The following CCNF variants were observed in gnomAD, a reference collection of about 807,000 sequenced individuals.
CCNF encodes the protein cyclin F, also known as cyclin-F.
CCNF carries 30 observed loss-of-function variants against 85.4 expected under a neutral mutation model. The observed-to-expected ratio is 0.35, with a 90% CI of 0.26 to 0.48. The LOEUF (loss-of-function observed/expected upper bound fraction) is 0.48, where lower values mean the gene tolerates loss of function less well. CCNF is among the 20% of genes least tolerant of loss of function. The probability of loss-of-function intolerance (pLI) is 0.99; values close to 1 mark genes in which losing one functional copy is unlikely to be tolerated. For missense variants in CCNF, 919 were observed against 1,010.4 expected, an observed-to-expected ratio of 0.91 and a Z score of 1.23; for synonymous variants, 439 against 425.1, an observed-to-expected ratio of 1.03 and a Z score of -0.40.
At chr16:2,437,497 G>T (rs1158256526) in intron 5 of CCNF, 175 bp downstream of exon 5, 2 of 562,118 alleles carry the variant, frequency 3.6e-6, no homozygotes, top group African/African-American at 3.8e-5. Context: ...TGGCACAGAG[G>T]AGGAAGCCTG....
intron 9 of CCNF, 110 bp downstream of exon 9, chr16:2,443,910 G>A: frequency 4.2e-6 from 4 of 942,340 alleles, no homozygotes; most frequent in Non-Finnish European, 4.6e-6. Flanking sequence ...GCGGCATAGA[G>A]TTCCCTTATC....
At chr16:2,429,584 A>T in intron 1 of CCNF, 87 bp downstream of exon 1, 1 of 1,171,726 alleles carries the variant, frequency 8.5e-7, no homozygotes. Flanking sequence ...GCGGGAGGGG[A>T]GGCCCTGGCG....
chr16:2,432,109 C>G (rs1342708823), intron 2 of CCNF, among the ~76,000 whole-genome samples: 1 of 152,186 alleles, frequency 6.6e-6, no homozygotes, highest in East Asian at 1.9e-4. Flanking sequence ...GGATTACAGG[C>G]ATGAGCCACT....
At position 2,451,400 on chromosome 16, in the gene CCNF, G is replaced by A. The variant is rs944922892; in HGVS notation, c.1487+1485G>A. ...GAGGGGTGAGGGGGACAAGCACGGGGCTGAATTTGTACCCGGCCAGCCATC... is the reference window on the plus strand; with the variant it reads ...GAGGGGTGAGGGGGACAAGCACGGGACTGAATTTGTACCCGGCCAGCCATC... On this transcript the variant is annotated intron_variant, in intron 13 of 16. Coordinates refer to ENST00000397066, the MANE Select transcript of CCNF (RefSeq NM_001761.3). This position sits in a 1 kb window ranked among gnomAD's most constrained non-coding sequence, Gnocchi z 4.3. 6.6e-5 allele frequency among the ~76,000 whole-genome samples: 10 copies of A among 152,092 alleles called. No homozygotes were observed. Among genetic ancestry groups the A allele is most frequent in the African/African-American group, 2.4e-4 (10 of 41,416 alleles).
At chr16:2,442,751 T>TAA (rs2065335538) in intron 8 of CCNF, among the ~76,000 whole-genome samples, 1 of 11,408 alleles carries the variant, frequency 8.8e-5, no homozygotes, top group South Asian at 2.9e-3. Context: ...TATATAATAA[T>TAA]TATAATAATA....
chr16:2,442,922 A>G (rs1297410476), intron 8 of CCNF, among the ~76,000 whole-genome samples: 2 of 54,910 alleles, frequency 3.6e-5, no homozygotes, highest in African/African-American at 9.9e-5. Flanking sequence ...AATATATATT[A>G]ATATATATGA....
rs1359003015 is a variant in CCNF at position 2,432,988 on chromosome 16, G to C, written c.199G>C (p.Asp67His). ...ACACTCCCAGCTGAAGGACCTGGTG[G>C]ACAACCACGCCAGTGTGTGGGCATG... is the stretch of plus-strand genomic sequence containing the variant. Reference protein sequence around the residue: ...AVHSQLKDLVDNHASVWACAS... With the variant: ...AVHSQLKDLVHNHASVWACAS... Residue 67 changes from aspartate to histidine, a missense_variant, in exon 3 of 17, where the codon GAC becomes CAC. By Grantham distance (81) the Asp-to-His change is moderately conservative. This residue lies in a region of CCNF where 410 missense variants were observed against 478.6 expected (regional missense o/e 0.86). Transcript: ENST00000397066. 1 of 1,609,278 alleles carries C rather than the reference G, an allele frequency of 6.2e-7. No homozygotes were observed. The highest frequency in any genetic ancestry group is 2.2e-5 in the East Asian group (1 of 44,724).
intron 16 of CCNF, among the ~76,000 whole-genome samples, chr16:2,455,979 CT>C (rs1306562922): frequency 6.6e-6 from 1 of 152,196 alleles, no homozygotes; most frequent in East Asian, 1.9e-4. Flanking sequence ...CAAGACCAGC[CT>C]GGGTGACACA....
intron 1 of CCNF, among the ~76,000 whole-genome samples, chr16:2,430,839 G>A (rs989360112): frequency 6.6e-6 from 1 of 152,136 alleles, no homozygotes; most frequent in Admixed American, 6.5e-5. Flanking sequence ...TGTCATGTGG[G>A]CTCTGGATCA....
chr16:2,457,116 C>T lies in CCNF; in HGVS notation c.*96C>T. The stretch of plus-strand genomic sequence containing the variant: ...AGGAACGCTGCATAGACCATGGAGG[C>T]CTTTGCGCAGAGAGCAGAGAGGATG... On this transcript the variant is annotated 3_prime_UTR_variant, in exon 17 of 17. Transcript: ENST00000397066. 2 of 909,966 alleles carry T rather than the reference C, an allele frequency of 2.2e-6. No homozygotes were observed. The highest frequency in any genetic ancestry group is 2.7e-5 in the East Asian group (1 of 37,202). 56.4% of individuals were successfully genotyped at this position (909,966 alleles called of 1,614,324 possible). A position where few individuals can be genotyped will look rare whatever the true frequency, so the allele number is the denominator to read the frequency against.
In CCNF at chr16:2,456,338, C is replaced by T. The variant is rs2065427366; in HGVS notation, c.1886-207C>T. 4.1e-6 allele frequency: 2 copies of T among 483,790 alleles called. No homozygotes were observed. The highest frequency in any genetic ancestry group is 2.0e-5 in the African/African-American group (1 of 51,174). 30.0% of individuals were successfully genotyped at this position (483,790 alleles called of 1,614,324 possible). A position where few individuals can be genotyped will look rare whatever the true frequency, so the allele number is the denominator to read the frequency against. The stretch of plus-strand genomic sequence containing the variant: ...GGCTTGAGCTAGATGGCCAACTTGT[C>T]ATCTCCACATTTGTTGGAGTCATGG... On this transcript the variant is annotated intron_variant, in intron 16 of 16. Transcript: ENST00000397066. This position sits in a 1 kb window ranked among gnomAD's most constrained non-coding sequence, Gnocchi z 4.5.
intron 6 of CCNF, among the ~76,000 whole-genome samples, chr16:2,439,101 C>T (rs1001788815): frequency 1.3e-5 from 2 of 151,432 alleles, no homozygotes; most frequent in African/African-American, 2.4e-5. Context: ...ATTTTGAGAC[C>T]AGCCTGGCCA....
chr16:2,448,501 G>A (rs535487605), intron 10 of CCNF, among the ~76,000 whole-genome samples: 2 of 152,268 alleles, frequency 1.3e-5, no homozygotes, highest in African/African-American at 4.8e-5. Flanking sequence ...CAACTTCCTG[G>A]GCTTAAGCAA....
chr16:2,454,937 G>A (rs573912796), intron 15 of CCNF, among the ~76,000 whole-genome samples: 1 of 152,050 alleles, frequency 6.6e-6, no homozygotes, highest in South Asian at 2.1e-4. Flanking sequence ...GCGGGCACCT[G>A]TAGTCCCAGC....
rs904032773 is a variant in CCNF, at chr16:2,440,206, G to A, written c.777+380G>A. Among the ~76,000 whole-genome samples, 5 of 152,160 alleles carry A rather than the reference G, an allele frequency of 3.3e-5. 1 individual carries two copies. Among genetic ancestry groups the A allele is most frequent in the South Asian group, 2.1e-4 (1 of 4,826 alleles). ...ACTTGAGAGCAGAGGGGCGTGGAGAGTCCCTTCCTGCTTCCTCTTCCTGTT... is the reference window on the plus strand; with the variant it reads ...ACTTGAGAGCAGAGGGGCGTGGAGAATCCCTTCCTGCTTCCTCTTCCTGTT... On this transcript the variant is annotated intron_variant, in intron 8 of 16. Transcript: ENST00000397066.
At chr16:2,446,718 A>G (rs2141825372) in intron 10 of CCNF, among the ~76,000 whole-genome samples, 1 of 152,332 alleles carries the variant, frequency 6.6e-6, no homozygotes, top group South Asian at 2.1e-4. Flanking sequence ...ACCCAGAGGC[A>G]GAGGTTCCAG....
Position 2,453,331 on chromosome 16 carries a change from G to A in CCNF, c.1587+22G>A. On this transcript the variant is annotated intron_variant, in intron 14 of 16. Transcript: ENST00000397066. This position sits in a 1 kb window ranked among gnomAD's most constrained non-coding sequence, Gnocchi z 5.6. ...AGAGGTGCCTCCCTCCCGCCACCTG[G>A]GCGTCTCATGGGGTGCTGGGGTGTG... The A allele has an allele frequency of 2.5e-6, 4 of 1,613,866 alleles. No individual in the cohort carries two copies. Among genetic ancestry groups the A allele is most frequent in the Non-Finnish European group, 3.4e-6 (4 of 1,180,002 alleles).
At chr16:2,455,353 G>A (rs571190447) in intron 15 of CCNF, 42 bp from the exon 16 acceptor site, 42 of 1,513,648 alleles carry the variant, frequency 2.8e-5, no homozygotes, top group Middle Eastern at 1.9e-4. Flanking sequence ...TCCCAGCGCC[G>A]CCGTCCATGA....
At position 2,437,148 on chromosome 16, in the gene CCNF, C is replaced by T. The variant is rs2065295364; in HGVS notation, c.366C>T (p.Ala122=). 1 of 1,600,488 alleles carries T rather than the reference C, an allele frequency of 6.2e-7. No homozygotes were observed. Among genetic ancestry groups the T allele is most frequent in the Middle Eastern group, 1.7e-4 (1 of 6,034 alleles). ...YNEGLSVSDE[A]RAEVNGLKAS... ...CCGCAGTGTCTGTGTCTGATGAGGC[C>T]CGCGCAGAAGTGAATGGCCTGAAGG... The change falls in exon 5 of 17, where the codon GCC becomes GCT. Residue 122 remains alanine, a synonymous_variant. Coordinates refer to ENST00000397066, the MANE Select transcript of CCNF (RefSeq NM_001761.3).
Sources: allele counts gnomAD v4.1 joint callset (sites outside exome capture counted in the v4.1 genomes callset), GRCh38; gene constraint gnomAD v4.1.1; regional missense constraint gnomAD v4.1.1; non-coding constraint Gnocchi (gnomAD v3.1); transcripts MANE v1.5; gene names NCBI Gene and HGNC (gene_info 2026-07-23, HGNC 2026-07-21).